The following SH3BP5 variants were observed in gnomAD, a reference collection of about 807,000 sequenced individuals.
The protein encoded by SH3BP5 is SH3 domain binding protein 5.
Under a neutral mutation model 43.3 loss-of-function variants are expected in SH3BP5, and 22 were observed. The ratio of observed to expected loss-of-function variants is 0.51; its 90% CI spans 0.36 to 0.73. SH3BP5 has a LOEUF of 0.73. Ranked by LOEUF, SH3BP5 falls within the 30% of genes least tolerant of loss-of-function variation. The probability of loss-of-function intolerance (pLI) is 0.00; values close to 1 mark genes in which losing one functional copy is unlikely to be tolerated. For synonymous variants in SH3BP5, 255 were observed against 225.8 expected, an observed-to-expected ratio of 1.13 and a Z score of -1.16; for missense variants, 529 against 586.9, an observed-to-expected ratio of 0.90 and a Z score of 1.02.
chr3:15,285,681 C>A (rs542284224), intron 3 of SH3BP5, among the ~76,000 whole-genome samples: 22 of 152,384 alleles, frequency 1.4e-4, no homozygotes, highest in African/African-American at 4.8e-4. Context: ...TGAGTCCTCA[C>A]CACTAACATG....
chr3:15,321,758 TA>T (rs1162675996), intron 2 of SH3BP5, among the ~76,000 whole-genome samples: 1 of 122,276 alleles, frequency 8.2e-6, no homozygotes, highest in Non-Finnish European at 1.7e-5. Flanking sequence ...TTCTGTAGAA[TA>T]AAAACAAACT....
At chr3:15,336,851 C>T (rs1264840593), upstream of SH3BP5, among the ~76,000 whole-genome samples, 3 of 152,138 alleles carry the variant, frequency 2.0e-5, no homozygotes, top group Admixed American at 6.6e-5. Context: ...CCACACTTCC[C>T]ATTTGATCTA....
At chr3:15,303,632 C>G (rs1327183460) in intron 3 of SH3BP5, among the ~76,000 whole-genome samples, 1 of 151,864 alleles carries the variant, frequency 6.6e-6, no homozygotes, top group Non-Finnish European at 1.5e-5. Flanking sequence ...AGGACGATGG[C>G]CACGGAAGTC....
At chr3:15,320,645 A>G (rs997908702) in intron 2 of SH3BP5, among the ~76,000 whole-genome samples, 19 of 30,536 alleles carry the variant, frequency 6.2e-4, no homozygotes, top group Non-Finnish European at 1.4e-3. Context: ...CACACACCCC[A>G]CTACGTTAAA....
At chr3:15,325,426 G>A (rs150225030) in intron 2 of SH3BP5, among the ~76,000 whole-genome samples, 36 of 151,894 alleles carry the variant, frequency 2.4e-4, no homozygotes, top group African/African-American at 8.3e-4. Flanking sequence ...GCGCCCTCCA[G>A]CTGGAATGTT....
intron 2 of SH3BP5, among the ~76,000 whole-genome samples, chr3:15,310,978 T>C (rs1395383106): frequency 6.6e-6 from 1 of 152,182 alleles, no homozygotes; most frequent in Non-Finnish European, 1.5e-5. Context: ...CAGTGTTTTC[T>C]GGCCAATCGC....
chr3:15,339,317 G>C lies in SH3BP5; in HGVS notation c.-402+1906C>G, dbSNP rs575565651. On this transcript the variant is annotated intron_variant, in intron 1 of 8. Coordinates refer to the SH3BP5 transcript ENST00000408919. ...GATGAATTACAGGCCACAGCACCTAGAGAATCCAGGAAAGAGATTTTCAGT... is the reference window on the plus strand; with the variant it reads ...GATGAATTACAGGCCACAGCACCTACAGAATCCAGGAAAGAGATTTTCAGT... Among the ~76,000 whole-genome samples the C allele has an allele frequency of 2.1e-4, 32 of 152,240 alleles. No homozygotes were observed. In the South Asian group the frequency reaches 6.4e-3, roughly 31 times the overall value.
At chr3:15,277,090 A>G (rs893027314) in intron 3 of SH3BP5, among the ~76,000 whole-genome samples, 3 of 152,128 alleles carry the variant, frequency 2.0e-5, no homozygotes, top group Non-Finnish European at 2.9e-5. Context: ...AGCTGGGATT[A>G]CAGGTGCCCG....
At chr3:15,258,747 G>A (rs1204867270) in intron 7 of SH3BP5, 84 bp downstream of exon 7, 1 of 1,261,638 alleles carries the variant, frequency 7.9e-7, no homozygotes, top group Non-Finnish European at 1.1e-6. Context: ...ACCTTTCACT[G>A]ATGGCCAGAG....
At chr3:15,285,444 A>G (rs1467233421) in intron 3 of SH3BP5, among the ~76,000 whole-genome samples, 1 of 152,192 alleles carries the variant, frequency 6.6e-6, no homozygotes, top group African/African-American at 2.4e-5. Context: ...CCAGATCCCA[A>G]TGGGGCTTCA....
chr3:15,314,597 G>A (rs187267751), intron 2 of SH3BP5, among the ~76,000 whole-genome samples: 2 of 152,310 alleles, frequency 1.3e-5, no homozygotes, highest in Non-Finnish European at 2.9e-5. Context: ...GGGTATGGAT[G>A]AAGACCACCA....
chr3:15,256,187 CAG>C lies in SH3BP5; in HGVS notation c.1265_1266del (p.Pro422ArgfsTer26). ...ATCCGGTTCTCCAAGGCCTGGCCCT[CAG>C]GGGAGGTGCTGCTTTGGCTCTTACT... is the stretch of plus-strand genomic sequence containing the variant. Reference protein sequence around the residue: ...GSSKSQSSTSPEGQALENRMK... With the variant: ...GSSKSQSSTSXEGQALENRMK... On this transcript the variant is annotated frameshift_variant, in exon 9 of 9. Coordinates refer to ENST00000383791, the MANE Select transcript of SH3BP5 (RefSeq NM_004844.5). LOFTEE classifies it high-confidence loss of function. 1.2e-6 allele frequency: 2 copies of C among 1,614,202 alleles called. No homozygotes were observed. Among genetic ancestry groups the C allele is most frequent in the Non-Finnish European group, 1.7e-6 (2 of 1,180,026 alleles).
In SH3BP5 at chr3:15,303,774, C is replaced by T. The variant is rs151085563; in HGVS notation, c.330+329G>A. 2.1e-3 allele frequency among the ~76,000 whole-genome samples: 316 copies of T among 152,154 alleles called. 3 individuals carry two copies. The highest frequency in any genetic ancestry group is 6.9e-3 in the African/African-American group (288 of 41,528). ...AACACTCCCAAGAGTGAGGCGAACG[C>T]GAGGCAGTAAGCGAATCTTCCTACT... On this transcript the variant is annotated intron_variant, in intron 3 of 8. Coordinates refer to ENST00000383791, the MANE Select transcript of SH3BP5 (RefSeq NM_004844.5).
At position 15,265,512 on chromosome 3, in the gene SH3BP5, TCACACACACACACACACA is replaced by T. The variant is rs368955496; in HGVS notation, c.496-3241_496-3224del. On this transcript the variant is annotated intron_variant, in intron 4 of 8. Transcript: ENST00000383791. ...GCCTGAGCTACAGGGCGAGACTCCG[TCACACACACACACACACA>T]CACACACACACACACACACACACAC... Among the ~76,000 whole-genome samples, 41 of 107,988 alleles carry T rather than the reference TCACACACACACACACACA, an allele frequency of 3.8e-4. 1 individual carries two copies. Among genetic ancestry groups the T allele is most frequent in the African/African-American group, 7.9e-4 (19 of 24,118 alleles). 70.8% of individuals were successfully genotyped at this position (107,988 alleles called of 152,430 possible).
chr3:15,259,346 C>G (rs1696345643), intron 6 of SH3BP5: 1 of 537,904 alleles, frequency 1.9e-6, no homozygotes, highest in Non-Finnish European at 3.3e-6. Context: ...GTCCCACAGT[C>G]TAGACATCTG....
chr3:15,264,794 T>G (rs1696575391), intron 4 of SH3BP5, among the ~76,000 whole-genome samples: 2 of 152,156 alleles, frequency 1.3e-5, no homozygotes, highest in South Asian at 4.1e-4. Flanking sequence ...AATCTTAAGC[T>G]TTAAGGATTT....
At chr3:15,276,670 C>G (rs1402312500) in intron 3 of SH3BP5, among the ~76,000 whole-genome samples, 7 of 152,160 alleles carry the variant, frequency 4.6e-5, no homozygotes, top group African/African-American at 1.7e-4. Flanking sequence ...GGTGGCTGCC[C>G]AAAGTCATAC....
chr3:15,304,587 G>A (rs1184613267), intron 2 of SH3BP5, among the ~76,000 whole-genome samples: 3 of 152,182 alleles, frequency 2.0e-5, no homozygotes, highest in African/African-American at 4.8e-5. Flanking sequence ...GGCCGAGGCA[G>A]GCCCATCACT....
chr3:15,298,646 AAC>A (rs1697646376), intron 3 of SH3BP5, among the ~76,000 whole-genome samples: 1 of 152,242 alleles, frequency 6.6e-6, no homozygotes, highest in Non-Finnish European at 1.5e-5. Context: ...CACATGCTAT[AAC>A]ATGGATGAAT....
Sources: gnomAD v4.1 joint callset for allele counts (sites outside exome capture counted in the v4.1 genomes callset) on GRCh38, gnomAD v4.1.1 for gene constraint, MANE v1.5 for transcripts, NCBI Gene and HGNC (gene_info 2026-07-23, HGNC 2026-07-21) for gene names.